UNC79: variants seen among roughly 807,000 people sequenced by gnomAD.
UNC79 encodes unc-79 subunit of NALCN channel complex.
UNC79 carries 37 observed loss-of-function variants against 283.1 expected under a neutral mutation model. That is an observed-to-expected ratio of 0.13 (90% CI 0.10 to 0.17). The LOEUF (loss-of-function observed/expected upper bound fraction) is 0.17, where lower values mean the gene tolerates loss of function less well. Among genes scored for constraint, UNC79 ranks in the 10% least tolerant of loss-of-function variants. The pLI is 1.00. For missense variants in UNC79, 2,272 were observed against 3,211.1 expected, an observed-to-expected ratio of 0.71 and a Z score of 7.07; for synonymous variants, 1,107 against 1,200.2, an observed-to-expected ratio of 0.92 and a Z score of 1.61.
chr14:93,678,377 A>T (rs535054103), intron 41 of UNC79, among the ~76,000 whole-genome samples: 2 of 152,288 alleles, frequency 1.3e-5, no homozygotes, highest in Admixed American at 6.5e-5. Flanking sequence ...CCAATGTTGC[A>T]TTTCCCGTTC....
intron 40 of UNC79, among the ~76,000 whole-genome samples, chr14:93,672,300 C>T (rs2072945924): frequency 6.6e-6 from 1 of 151,994 alleles, no homozygotes; most frequent in Non-Finnish European, 1.5e-5. Context: ...CATCAATGGA[C>T]AAATGGATAA....
At chr14:93,597,216 G>A in intron 23 of UNC79, 143 bp from the exon 24 acceptor site, 3 of 775,576 alleles carry the variant, frequency 3.9e-6, no homozygotes, top group Non-Finnish European at 6.3e-6. Context: ...TTTCCTGTTG[G>A]GATTTAAAGT....
chr14:93,601,157 T>C (rs909031841), intron 25 of UNC79, among the ~76,000 whole-genome samples: 1 of 152,220 alleles, frequency 6.6e-6, no homozygotes, highest in Non-Finnish European at 1.5e-5. Context: ...GTTACATGGA[T>C]AAGTTCTTTA....
intron 22 of UNC79, among the ~76,000 whole-genome samples, chr14:93,590,135 A>G (rs2064550146): frequency 1.3e-5 from 2 of 152,206 alleles, no homozygotes; most frequent in Middle Eastern, 3.4e-3. Context: ...GGCACTAGTC[A>G]TTCATTATAT....
At chr14:93,448,320 ATTGT>A (rs1297586105) in intron 1 of UNC79, among the ~76,000 whole-genome samples, 1 of 151,820 alleles carries the variant, frequency 6.6e-6, no homozygotes, top group East Asian at 1.9e-4. Context: ...TATTTCTGAA[ATTGT>A]TTTTCAGTTC....
chr14:93,610,409 C>T (rs1283830181), intron 26 of UNC79, among the ~76,000 whole-genome samples: 2 of 152,160 alleles, frequency 1.3e-5, no homozygotes, highest in Non-Finnish European at 2.9e-5. Context: ...TTCAACCTTG[C>T]ACCCCAGAGC....
chr14:93,567,416 G>A (rs937106534), intron 14 of UNC79, among the ~76,000 whole-genome samples: 1 of 152,012 alleles, frequency 6.6e-6, no homozygotes, highest in South Asian at 2.1e-4. Context: ...TAGTAGTGAT[G>A]GGGTTTCCCC....
intron 32 of UNC79, 73 bp from the exon 36 acceptor site, chr14:93,641,072 A>C: frequency 7.7e-7 from 1 of 1,296,126 alleles, no homozygotes; most frequent in Non-Finnish European, 1.1e-6. Context: ...GGTTTCTAAG[A>C]GGAGAACCAG....
chr14:93,506,144 G>C (rs1196864542), intron 7 of UNC79, among the ~76,000 whole-genome samples: 1 of 151,610 alleles, frequency 6.6e-6, no homozygotes, highest in East Asian at 1.9e-4. Flanking sequence ...TTCTACTGAA[G>C]ATACGTTTTC....
chr14:93,606,657 TACA>T (rs141018918), intron 26 of UNC79, among the ~76,000 whole-genome samples: 5,930 of 152,298 alleles, frequency 0.039, 186 homozygotes, highest in African/African-American at 0.085. Flanking sequence ...TTCCCCTTTA[TACA>T]ACAAGATTTA....
chr14:93,594,219 C>A (rs1381963099), intron 23 of UNC79, among the ~76,000 whole-genome samples: 1 of 152,086 alleles, frequency 6.6e-6, no homozygotes, highest in Non-Finnish European at 1.5e-5. Flanking sequence ...CATCCTAGAG[C>A]TACCGAATCA....
chr14:93,630,863 T>A (rs1032103482), exon 31 of UNC79: 1 of 1,613,956 alleles, frequency 6.2e-7, no homozygotes, highest in Admixed American at 1.7e-5. Flanking sequence ...TGCCCCTACG[T>A]TAGATGCAGG....
intron 1 of UNC79, among the ~76,000 whole-genome samples, chr14:93,351,296 A>G (rs2053976267): frequency 6.6e-6 from 1 of 152,212 alleles, no homozygotes; most frequent in African/African-American, 2.4e-5. Context: ...TATTCATATA[A>G]CTTTGTGTAT....
At chr14:93,404,493 A>AAAATATATATATATATATATATATAT in intron 1 of UNC79, among the ~76,000 whole-genome samples, 9 of 61,478 alleles carry the variant, frequency 1.5e-4, no homozygotes, top group Middle Eastern at 0.013. Flanking sequence ...TTCTAAAAAA[A>AAAATATATATATATATATATATATAT]ATATATATAT....
intron 44 of UNC79, chr14:93,689,778 C>T (rs1046720475): frequency 2.7e-5 from 6 of 219,000 alleles, no homozygotes; most frequent in Middle Eastern, 1.7e-3. Flanking sequence ...CGTGAGCCAC[C>T]GCGCCCGGCC....
intron 1 of UNC79, among the ~76,000 whole-genome samples, chr14:93,371,910 A>G (rs1348680626): frequency 1.3e-5 from 2 of 152,218 alleles, no homozygotes; most frequent in African/African-American, 4.8e-5. Context: ...GGAGTGAAAT[A>G]TTTAAAGTAT....
At chr14:93,347,940 A>C (rs1319058120) in intron 1 of UNC79, 3 of 802,836 alleles carry the variant, frequency 3.7e-6, no homozygotes, top group Non-Finnish European at 6.6e-6. Context: ...TAGGTGCTCA[A>C]AATGTTTTTT....
chr14:93,596,975 C>G (rs2065126902), intron 23 of UNC79, among the ~76,000 whole-genome samples: 1 of 152,200 alleles, frequency 6.6e-6, no homozygotes, highest in African/African-American at 2.4e-5. Flanking sequence ...CACCTCCTAC[C>G]TCTCTGTTAT....
At chr14:93,660,165 T>G (rs1448662535) in intron 39 of UNC79, among the ~76,000 whole-genome samples, 2 of 152,154 alleles carry the variant, frequency 1.3e-5, no homozygotes, top group Non-Finnish European at 2.9e-5. Flanking sequence ...ATACCAACAA[T>G]GTACGTATTC....
Sources: gnomAD v4.1 joint callset for allele counts (sites outside exome capture counted in the v4.1 genomes callset) on GRCh38, gnomAD v4.1.1 for gene constraint, MANE v1.5 for transcripts, NCBI Gene and HGNC (gene_info 2026-07-23, HGNC 2026-07-21) for gene names.